The following GPHN variants were observed in gnomAD, a reference collection of about 807,000 sequenced individuals.
The protein encoded by GPHN is gephyrin.
In GPHN, 17 loss-of-function variants were observed where a neutral mutation model predicts 95.5. The ratio of observed to expected loss-of-function variants is 0.18; its 90% CI spans 0.12 to 0.27. The LOEUF is 0.27. Among genes scored for constraint, GPHN ranks in the 10% least tolerant of loss-of-function variants. The pLI is 1.00. For missense variants in GPHN, 660 were observed against 978.1 expected (o/e 0.67, Z 4.34); for synonymous variants, 320 against 322.5 (o/e 0.99, Z 0.08).
At chr14:67,268,623 T>C in the GPHN span, among the ~76,000 whole-genome samples, 1 of 152,232 alleles carries the variant, frequency 6.6e-6, no homozygotes, top group Non-Finnish European at 1.5e-5. Context: ...CCATGGCATT[T>C]GTAAACTGTC....
intron 9 of GPHN, among the ~76,000 whole-genome samples, chr14:67,007,567 A>G (rs1026109272): frequency 3.9e-5 from 6 of 152,232 alleles, no homozygotes; most frequent in African/African-American, 1.4e-4. Flanking sequence ...GGGGTTATTC[A>G]TTCAACTTCA....
At chr14:67,199,522 T>A in the GPHN span, 1 of 1,612,186 alleles carries the variant, frequency 6.2e-7, no homozygotes. Context: ...CATTTGATGC[T>A]TCAGTTGCAG....
chr14:67,587,330 C>T, the GPHN span: 93 of 1,335,034 alleles, frequency 7.0e-5, 2 homozygotes, highest in South Asian at 1.0e-3. Context: ...GGTCTAACAG[C>T]CCCCGGCTAC....
chr14:67,168,767 TAG>T (rs1595469077), intron 20 of GPHN, among the ~76,000 whole-genome samples, 164 bp from the exon 21 acceptor site: 1 of 152,170 alleles, frequency 6.6e-6, no homozygotes, highest in East Asian at 1.9e-4. Flanking sequence ...CTGTGGCATT[TAG>T]TTGACTATAC....
the GPHN span, among the ~76,000 whole-genome samples, chr14:67,255,010 G>A: frequency 6.6e-6 from 1 of 152,158 alleles, no homozygotes; most frequent in Non-Finnish European, 1.5e-5. Flanking sequence ...TTAGCTGGGT[G>A]TGGTGGCGCA....
In GPHN at chr14:67,150,260, G is replaced by C. The variant is rs536162860; in HGVS notation, c.1836+6811G>C. 3.0e-3 allele frequency among the ~76,000 whole-genome samples: 451 copies of C among 151,364 alleles called. 5 individuals are homozygous for C. The highest frequency in any genetic ancestry group is 0.011 in the African/African-American group (435 of 41,244). ...GATCGAGACCATCCCGGCTAAAACG[G>C]TGAAACCCCGTCTCTACTAAAACTA... is the stretch of plus-strand genomic sequence containing the variant. On this transcript the variant is annotated intron_variant, in intron 18 of 22. Coordinates refer to ENST00000478722, the MANE Select transcript of GPHN (RefSeq NM_020806.5).
chr14:67,056,988 G>A (rs937835917), intron 10 of GPHN, among the ~76,000 whole-genome samples: 17 of 152,262 alleles, frequency 1.1e-4, no homozygotes, highest in South Asian at 2.1e-4. Context: ...AGGGCCCGCC[G>A]TACCCACGCC....
At chr14:67,694,451 TAC>T in the GPHN span, among the ~76,000 whole-genome samples, 9 of 143,782 alleles carry the variant, frequency 6.3e-5, no homozygotes, top group South Asian at 4.3e-4. Context: ...TATATATATA[TAC>T]ACACACACAC....
intron 3 of GPHN, among the ~76,000 whole-genome samples, chr14:66,821,474 C>T (rs2061187361): frequency 6.6e-6 from 1 of 152,186 alleles, no homozygotes; most frequent in Admixed American, 6.5e-5. Context: ...CAACTATAGA[C>T]TAAGAGCTCC....
chr14:67,520,111 G>A, the GPHN span, among the ~76,000 whole-genome samples: 1 of 152,148 alleles, frequency 6.6e-6, no homozygotes, highest in Non-Finnish European at 1.5e-5. Flanking sequence ...CTCCACACAT[G>A]CATAGACTTC....
chr14:66,542,049 G>T (rs1186420892), intron 1 of GPHN, among the ~76,000 whole-genome samples: 2 of 152,068 alleles, frequency 1.3e-5, no homozygotes, highest in Non-Finnish European at 2.9e-5. Context: ...TGTTATCTAT[G>T]ATTTGCATTC....
the GPHN span, among the ~76,000 whole-genome samples, chr14:67,628,913 T>C: frequency 6.6e-6 from 1 of 152,218 alleles, no homozygotes; most frequent in South Asian, 2.1e-4. Context: ...GATCTTGAAG[T>C]AGTTGTGTAC....
the GPHN span, among the ~76,000 whole-genome samples, chr14:67,426,716 C>T: frequency 6.6e-6 from 1 of 152,178 alleles, no homozygotes; most frequent in Non-Finnish European, 1.5e-5. Flanking sequence ...GCTGGGACTA[C>T]AGGCATGTGC....
At chr14:66,944,405 C>T (rs971959947) in intron 8 of GPHN, among the ~76,000 whole-genome samples, 4 of 152,198 alleles carry the variant, frequency 2.6e-5, no homozygotes, top group African/African-American at 9.6e-5. Context: ...CTCCCAAGGA[C>T]ATAAAACAAG....
At chr14:67,698,194 C>T in the GPHN span, among the ~76,000 whole-genome samples, 1 of 152,198 alleles carries the variant, frequency 6.6e-6, no homozygotes, top group Non-Finnish European at 1.5e-5. Flanking sequence ...GGAAATTTCT[C>T]CCCATACTTG....
chr14:66,631,826 T>C (rs1335804374), intron 1 of GPHN, among the ~76,000 whole-genome samples: 1 of 152,198 alleles, frequency 6.6e-6, no homozygotes. Flanking sequence ...AGAATCTTCA[T>C]TAACATTTTT....
At chr14:67,660,050 A>C in the GPHN span, 1 of 978,654 alleles carries the variant, frequency 1.0e-6, no homozygotes, top group Non-Finnish European at 1.5e-6. Context: ...CATATGCTCC[A>C]TGAGGCAGGG....
At chr14:66,513,907 A>G (rs1241784196) in intron 1 of GPHN, among the ~76,000 whole-genome samples, 1 of 151,960 alleles carries the variant, frequency 6.6e-6, no homozygotes, top group Admixed American at 6.5e-5. Context: ...CAATTTTAAC[A>G]GTAGCTTTGT....
the GPHN span, chr14:67,397,569 C>A: frequency 3.8e-6 from 4 of 1,055,258 alleles, no homozygotes; most frequent in Non-Finnish European, 2.7e-6. Flanking sequence ...TAACTCTGAG[C>A]TCTTCCTCCT....
Sources: gnomAD v4.1 joint callset for allele counts (sites outside exome capture counted in the v4.1 genomes callset) on GRCh38, gnomAD v4.1.1 for gene constraint, MANE v1.5 for transcripts, NCBI Gene and HGNC (gene_info 2026-07-23, HGNC 2026-07-21) for gene names.